The following KBTBD12 variants were observed in gnomAD, a reference collection of about 807,000 sequenced individuals.
KBTBD12 encodes the protein kelch repeat and BTB domain containing 12.
KBTBD12 carries 53 observed loss-of-function variants against 58.7 expected under a neutral mutation model. The ratio of observed to expected loss-of-function variants is 0.90; its 90% CI spans 0.72 to 1.14. The LOEUF is 1.14. KBTBD12 is among the 50% of genes most tolerant of loss of function. The pLI is 0.00. For synonymous variants in KBTBD12, 236 were observed against 259.8 expected, an observed-to-expected ratio of 0.91 and a Z score of 0.88; for missense variants, 704 against 751.3, an observed-to-expected ratio of 0.94 and a Z score of 0.74.
At chr3:127,940,746 A>G (rs1027310242) in intron 4 of KBTBD12, among the ~76,000 whole-genome samples, 2 of 152,172 alleles carry the variant, frequency 1.3e-5, no homozygotes, top group African/African-American at 4.8e-5. Context: ...GCTGAAAAAA[A>G]AAGGAAAATC....
intron 4 of KBTBD12, among the ~76,000 whole-genome samples, chr3:127,954,128 T>C (rs1940269873): frequency 6.6e-6 from 1 of 152,106 alleles, no homozygotes; most frequent in African/African-American, 2.4e-5. Flanking sequence ...TAAGGAAAAA[T>C]CTTTTGTCAT....
At position 127,923,220 on chromosome 3, in the gene KBTBD12, C is replaced by T. The variant is rs759543891; in HGVS notation, c.159C>T (p.Ser53=). The change falls in exon 2 of 6, where the codon AGC becomes AGT. Residue 53 remains serine, a synonymous_variant. Transcript: ENST00000405109. ...ACAGACTGGTCCTGGCTGCATTTAG[C>T]CCTTATTTCAAAGCTATGTTCACCT... ...PCHRLVLAAF[S]PYFKAMFTCG... The T allele has an allele frequency of 6.2e-7, 1 of 1,613,764 alleles. No individual in the cohort carries two copies. The highest frequency in any genetic ancestry group is 8.5e-7 in the Non-Finnish European group (1 of 1,179,754).
At chr3:127,981,909 C>T (rs577075872) in intron 5 of KBTBD12, among the ~76,000 whole-genome samples, 3 of 152,210 alleles carry the variant, frequency 2.0e-5, no homozygotes, top group Non-Finnish European at 2.9e-5. Flanking sequence ...TATGAGCACA[C>T]GTGGATCATT....
At chr3:127,931,753 G>C (rs1367852869) in intron 4 of KBTBD12, among the ~76,000 whole-genome samples, 1 of 152,114 alleles carries the variant, frequency 6.6e-6, no homozygotes, top group African/African-American at 2.4e-5. Flanking sequence ...TAAGATTTGA[G>C]TGGATGAAAT....
chr3:127,963,626 C>A, intron 5 of KBTBD12: 1 of 459,736 alleles, frequency 2.2e-6, no homozygotes, highest in Non-Finnish European at 3.9e-6. Flanking sequence ...CCATACCACC[C>A]TGAACACACC....
intron 4 of KBTBD12, among the ~76,000 whole-genome samples, chr3:127,951,709 A>G (rs570584998): frequency 2.0e-5 from 3 of 152,330 alleles, no homozygotes; most frequent in African/African-American, 7.2e-5. Flanking sequence ...GATTGTCCCA[A>G]TATTCATCAC....
At chr3:127,980,380 A>G (rs1940852959) in intron 5 of KBTBD12, among the ~76,000 whole-genome samples, 1 of 151,980 alleles carries the variant, frequency 6.6e-6, no homozygotes, top group African/African-American at 2.4e-5. Flanking sequence ...CGCAGGCTGG[A>G]ATGCAGTGGT....
chr3:127,942,334 G>A (rs905177662), intron 4 of KBTBD12, among the ~76,000 whole-genome samples: 3 of 151,964 alleles, frequency 2.0e-5, no homozygotes, highest in East Asian at 1.9e-4. Context: ...TTCAGAATAC[G>A]ATACAGTATT....
At chr3:127,944,762 C>A (rs1245399410) in intron 4 of KBTBD12, among the ~76,000 whole-genome samples, 1 of 152,168 alleles carries the variant, frequency 6.6e-6, no homozygotes, top group Non-Finnish European at 1.5e-5. Context: ...AAAGAATAAG[C>A]TTTGAGGTTC....
rs750107348 is a variant in KBTBD12 at position 127,923,285 on chromosome 3, A to G, written c.224A>G (p.Tyr75Cys). ...LECNQREVIL[Y>C]DITAESVSVL... Reference sequence around the variant, plus strand: ...TGTAATCAAAGGGAAGTCATACTTTATGACATCACAGCAGAAAGTGTGTCG... The same window carrying G: ...TGTAATCAAAGGGAAGTCATACTTTGTGACATCACAGCAGAAAGTGTGTCG... Residue 75 changes from tyrosine (Y) to cysteine (C), a missense_variant, in exon 2 of 6, where the codon TAT becomes TGT. Tyr to Cys is a radical substitution (Grantham distance 194, BLOSUM62 -2). Transcript: ENST00000405109. 1 of 1,613,780 alleles carries G rather than the reference A, an allele frequency of 6.2e-7. No homozygotes were observed. The highest frequency in any genetic ancestry group is 1.7e-5 in the Admixed American group (1 of 59,998).
At chr3:127,939,040 ATC>A in intron 4 of KBTBD12, among the ~76,000 whole-genome samples, 1 of 152,318 alleles carries the variant, frequency 6.6e-6, no homozygotes, top group South Asian at 2.1e-4. Context: ...CTCCAAGAAA[ATC>A]TGTCTGGCTC....
At chr3:127,942,692 ATATATATAAC>A (rs1207190712) in intron 4 of KBTBD12, among the ~76,000 whole-genome samples, 2 of 146,360 alleles carry the variant, frequency 1.4e-5, no homozygotes, top group East Asian at 3.9e-4. Flanking sequence ...ATATATAACT[ATATATATAAC>A]TATATATATA....
chr3:127,932,427 A>AT (rs1939725331), intron 4 of KBTBD12, among the ~76,000 whole-genome samples: 1 of 152,192 alleles, frequency 6.6e-6, no homozygotes, highest in African/African-American at 2.4e-5. Flanking sequence ...TTATCTTAGC[A>AT]AAAGCCCTGT....
chr3:127,938,727 G>T (rs1012086800), intron 4 of KBTBD12, among the ~76,000 whole-genome samples: 1 of 152,134 alleles, frequency 6.6e-6, no homozygotes, highest in Non-Finnish European at 1.5e-5. Context: ...AAGAAAGCTG[G>T]TATAGCTGTT....
intron 4 of KBTBD12, among the ~76,000 whole-genome samples, chr3:127,943,629 T>A (rs910135724): frequency 1.3e-5 from 2 of 152,146 alleles, no homozygotes; most frequent in Non-Finnish European, 2.9e-5. Context: ...AAATATTTTC[T>A]TTCAATATGC....
Position 127,945,164 on chromosome 3 carries a change from C to CTTTTTTTTTTTTTTTTTTTTTTTT in KBTBD12, c.1492+14896_1492+14919dup. On this transcript the variant is annotated intron_variant, in intron 4 of 5. Coordinates refer to ENST00000405109, the MANE Select transcript of KBTBD12 (RefSeq NM_207335.4). The stretch of plus-strand genomic sequence containing the variant: ...TGTTTTTTTTAAAAATAGTAGCTAT[C>CTTTTTTTTTTTTTTTTTTTTTTTT]TTTTTTTTTTTTTTTTTTTTTTTTT... 7.0e-5 allele frequency among the ~76,000 whole-genome samples: 2 copies of CTTTTTTTTTTTTTTTTTTTTTTTT among 28,772 alleles called. 1 individual carries two copies. Among genetic ancestry groups the CTTTTTTTTTTTTTTTTTTTTTTTT allele is most frequent in the Non-Finnish European group, 1.4e-4 (2 of 14,564 alleles). The allele number at this position is 28,772 out of a possible 152,430, so 18.9% of individuals were successfully genotyped here.
At chr3:127,944,787 G>T (rs1940034647) in intron 4 of KBTBD12, among the ~76,000 whole-genome samples, 1 of 152,186 alleles carries the variant, frequency 6.6e-6, no homozygotes, top group South Asian at 2.1e-4. Flanking sequence ...CACTGATTAT[G>T]ATGTTAGCTG....
intron 4 of KBTBD12, among the ~76,000 whole-genome samples, chr3:127,949,486 C>A (rs1576383510): frequency 6.6e-6 from 1 of 152,074 alleles, no homozygotes; most frequent in Non-Finnish European, 1.5e-5. Flanking sequence ...ATTGAAAGGA[C>A]CAGACACCTC....
chr3:127,979,128 C>T lies in KBTBD12; in HGVS notation c.1691-4969C>T, dbSNP rs957537570. On this transcript the variant is annotated intron_variant, in intron 5 of 5. Transcript: ENST00000405109. The stretch of plus-strand genomic sequence containing the variant: ...TGCTAATACAAATAAACAAAAAAAT[C>T]AACATTTTCCACAGGATTTAAACAA... Among the ~76,000 whole-genome samples the T allele has an allele frequency of 6.6e-5, 10 of 152,158 alleles. No individual in the cohort carries two copies. In the East Asian group the frequency reaches 1.7e-3, roughly 26 times the overall value.
Sources: allele counts gnomAD v4.1 joint callset (sites outside exome capture counted in the v4.1 genomes callset), GRCh38; gene constraint gnomAD v4.1.1; transcripts MANE v1.5; gene names NCBI Gene and HGNC (gene_info 2026-07-23, HGNC 2026-07-21).